The following UBR1 variants were observed in gnomAD, a reference collection of about 807,000 sequenced individuals.
UBR1 encodes the protein ubiquitin protein ligase E3 component n-recognin 1, also known as E3 ubiquitin-protein ligase UBR1.
Under a neutral mutation model 242.1 loss-of-function variants are expected in UBR1, and 102 were observed. The observed-to-expected ratio is 0.42, with a 90% CI of 0.36 to 0.50. The LOEUF is 0.50. UBR1 is among the 20% of genes least tolerant of loss of function. UBR1 has a pLI of 0.01. For missense variants in UBR1, 1,772 were observed against 2,101.8 expected, an observed-to-expected ratio of 0.84 and a Z score of 3.07; for synonymous variants, 675 against 684.8, an observed-to-expected ratio of 0.99 and a Z score of 0.22.
chr15:43,024,721 T>C lies in UBR1; in HGVS notation c.2739+108A>G, dbSNP rs769560615. 1.1e-5 allele frequency: 16 copies of C among 1,499,522 alleles called. No homozygotes were observed. In the Admixed American group the frequency reaches 2.0e-4, roughly 19 times the overall value. 92.9% of individuals were successfully genotyped at this position (1,499,522 alleles called of 1,614,324 possible). On this transcript the variant is annotated intron_variant, in intron 25 of 46. Transcript: ENST00000290650. ...TAAGCTATTTTTAATGACCCCTATG[T>C]TTCCGGTGCTCTAGATGTGGTTCCA...
chr15:42,981,769 G>A (rs2141270939), intron 37 of UBR1, among the ~76,000 whole-genome samples: 1 of 152,272 alleles, frequency 6.6e-6, no homozygotes, highest in Admixed American at 6.5e-5. Flanking sequence ...TTTGAAGCAT[G>A]TATTAGTGAA....
chr15:42,951,589 T>A (rs2031834910), intron 45 of UBR1, among the ~76,000 whole-genome samples: 1 of 152,146 alleles, frequency 6.6e-6, no homozygotes, highest in African/African-American at 2.4e-5. Context: ...GGTTGATAGA[T>A]GAAATAAAGA....
At position 42,952,069 on chromosome 15, in the gene UBR1, A is replaced by T. The variant is rs150358878; in HGVS notation, c.5006+209T>A. Reference sequence around the variant, plus strand: ...ATTAATACAAACTCTATCCTATTTAAGATTTTCCATAAATAATGGAAATGT... The same window carrying T: ...ATTAATACAAACTCTATCCTATTTATGATTTTCCATAAATAATGGAAATGT... On this transcript the variant is annotated intron_variant, in intron 45 of 46. Transcript: ENST00000290650. 2.0e-3 allele frequency among the ~76,000 whole-genome samples: 301 copies of T among 152,336 alleles called. 1 individual carries two copies. The highest frequency in any genetic ancestry group is 1.9e-3 in the Non-Finnish European group (132 of 68,032).
chr15:43,054,202 T>C (rs1182092808), intron 12 of UBR1, among the ~76,000 whole-genome samples: 1 of 151,390 alleles, frequency 6.6e-6, no homozygotes, highest in Non-Finnish European at 1.5e-5. Flanking sequence ...CAATAAAAAA[T>C]TTGCCAGGCA....
chr15:42,991,592 C>T (rs1403310875), intron 33 of UBR1, among the ~76,000 whole-genome samples: 1 of 151,812 alleles, frequency 6.6e-6, no homozygotes, highest in African/African-American at 2.4e-5. Context: ...TTCAATGACA[C>T]AAATGTCAGG....
At chr15:42,988,674 T>A (rs1256433117) in intron 35 of UBR1, 145 bp downstream of exon 35, 1 of 1,088,872 alleles carries the variant, frequency 9.2e-7, no homozygotes, top group African/African-American at 1.6e-5. Flanking sequence ...CCAAATGGCA[T>A]GAGCCACACT....
At chr15:43,006,982 T>C in intron 30 of UBR1, 97 bp downstream of exon 30, 2 of 1,146,118 alleles carry the variant, frequency 1.7e-6, no homozygotes, top group Non-Finnish European at 2.6e-6. Flanking sequence ...GGTAGATATA[T>C]AACCCTTATT....
rs767020641 is a variant in UBR1 at position 43,038,212 on chromosome 15, T to C, written c.1870A>G (p.Arg624Gly). 6.2e-7 allele frequency: 1 copy of C among 1,614,068 alleles called. No individual in the cohort carries two copies. Residue 624 changes from arginine (R) to glycine (G), a missense_variant, in exon 16 of 47, where the codon AGG becomes GGG. Around this residue, in one of 3 missense-constraint regions of UBR1, gnomAD observed 734 missense variants for 893.3 expected, o/e 0.82. Coordinates refer to ENST00000290650, the MANE Select transcript of UBR1 (RefSeq NM_174916.3). Reference protein sequence around the residue: ...TLAGLHVRLSRLGAVSRLHEF... With the variant: ...TLAGLHVRLSGLGAVSRLHEF... The stretch of plus-strand genomic sequence containing the variant: ...TGCAGTCTTGAAACAGCACCCAGCC[T>C]GCTTAAACGTACATGAAGACCTAAA...
intron 15 of UBR1, 140 bp from the exon 16 acceptor site, chr15:43,038,372 G>A: frequency 1.3e-6 from 1 of 742,148 alleles, no homozygotes; most frequent in Non-Finnish European, 2.4e-6. Flanking sequence ...ACTTTGGGAG[G>A]CCTAGGTGGG....
In UBR1 at chr15:43,017,157, T is replaced by G. The variant is rs2033036808; in HGVS notation, c.2965A>C (p.Arg989=). ...LQMFDTVKRL[R]EKSCLIVATT... Reference sequence around the variant, plus strand: ...GCTACAATTAAACAAGATTTTTCTCTTAATCGCTTCACTGTGTCAAACATC... The same window carrying G: ...GCTACAATTAAACAAGATTTTTCTCGTAATCGCTTCACTGTGTCAAACATC... Residue 989 remains arginine, a synonymous_variant, in exon 28 of 47, where the codon AGA becomes CGA. Coordinates refer to ENST00000290650, the MANE Select transcript of UBR1 (RefSeq NM_174916.3). The G allele has an allele frequency of 6.2e-7, 1 of 1,613,568 alleles. No individual in the cohort carries two copies. Among genetic ancestry groups the G allele is most frequent in the Non-Finnish European group, 8.5e-7 (1 of 1,179,924 alleles).
intron 40 of UBR1, among the ~76,000 whole-genome samples, chr15:42,969,768 T>G (rs1019035469): frequency 1.1e-4 from 16 of 152,062 alleles, no homozygotes; most frequent in African/African-American, 3.9e-4. Context: ...AGAGAATACC[T>G]AGGAATACAA....
In UBR1 at chr15:42,945,998, T is replaced by G. The variant is rs538547735; in HGVS notation, c.5109-528A>C. ...ATACTTCAATTCTAGAGTTGCACAG[T>G]TTTTAACACTGTATAACAGCTAATC... is the stretch of plus-strand genomic sequence containing the variant. On this transcript the variant is annotated intron_variant, in intron 46 of 46. Transcript: ENST00000290650. 4.6e-5 allele frequency among the ~76,000 whole-genome samples: 7 copies of G among 152,338 alleles called. No homozygotes were observed. The South Asian group carries it at 1.4e-3, about 32-fold the overall frequency.
At chr15:43,051,433 T>C (rs1215406869) in intron 12 of UBR1, among the ~76,000 whole-genome samples, 1 of 152,042 alleles carries the variant, frequency 6.6e-6, no homozygotes, top group East Asian at 1.9e-4. Context: ...GGATTGAGGT[T>C]GGGAGGAGGG....
intron 41 of UBR1, among the ~76,000 whole-genome samples, chr15:42,965,460 T>C (rs1288366253): frequency 1.3e-5 from 2 of 149,800 alleles, no homozygotes; most frequent in South Asian, 2.2e-4. Context: ...TGTAGTCATA[T>C]GTACTTTTTT....
At chr15:42,976,659 T>C in intron 39 of UBR1, 58 bp downstream of exon 39, 1 of 1,579,490 alleles carries the variant, frequency 6.3e-7, no homozygotes, top group South Asian at 1.1e-5. Context: ...ATAATTAATT[T>C]TGCCAGTAAA....
At chr15:42,960,910 G>A (rs1466788590) in intron 42 of UBR1, among the ~76,000 whole-genome samples, 5 of 151,546 alleles carry the variant, frequency 3.3e-5, no homozygotes, top group Admixed American at 6.6e-5. Context: ...GCTGGCACTC[G>A]CCACCACACC....
At chr15:43,003,127 T>C (rs2032751999) in intron 31 of UBR1, 1 of 210,290 alleles carries the variant, frequency 4.8e-6, no homozygotes, top group Admixed American at 5.3e-5. Flanking sequence ...AATTTTATAT[T>C]TTCCAGAGAT....
intron 28 of UBR1, 25 bp downstream of exon 28, chr15:43,017,069 AC>A: frequency 6.4e-7 from 1 of 1,563,912 alleles, no homozygotes; most frequent in Non-Finnish European, 8.8e-7. Flanking sequence ...TGTCACCATT[AC>A]TACAGTGTTA....
intron 19 of UBR1, among the ~76,000 whole-genome samples, chr15:43,035,174 G>T (rs1168119341): frequency 6.6e-6 from 1 of 152,116 alleles, no homozygotes; most frequent in East Asian, 1.9e-4. Flanking sequence ...ATAGGAAGCA[G>T]ATTACAAAAC....
Sources: allele counts gnomAD v4.1 joint callset (sites outside exome capture counted in the v4.1 genomes callset), GRCh38; gene constraint gnomAD v4.1.1; regional missense constraint gnomAD v4.1.1; transcripts MANE v1.5; gene names NCBI Gene and HGNC (gene_info 2026-07-23, HGNC 2026-07-21).